Variants in BRD3 observed in about 807,000 individuals in gnomAD.
The protein encoded by BRD3 is bromodomain containing 3, also known as bromodomain-containing protein 3.
Under a neutral mutation model 66.8 loss-of-function variants are expected in BRD3, and 17 were observed. The observed-to-expected ratio is 0.25, with a 90% CI of 0.17 to 0.38. The LOEUF (loss-of-function observed/expected upper bound fraction) is 0.38, where lower values mean the gene tolerates loss of function less well. BRD3 is among the 10% of genes least tolerant of loss of function. BRD3 has a pLI of 1.00. For synonymous variants in BRD3, 421 were observed against 393.2 expected, an observed-to-expected ratio of 1.07 and a Z score of -0.84; for missense variants, 713 against 956.1, an observed-to-expected ratio of 0.75 and a Z score of 3.35.
rs567751039 is a variant in BRD3 at position 134,050,332 on chromosome 9, C to T, written c.714+42G>A. The T allele has an allele frequency of 1.4e-5, 22 of 1,575,680 alleles. 1 individual carries two copies. In the Admixed American group the frequency reaches 2.5e-4, roughly 18 times the overall value. ...CCTGCCCTGACCTCAGGAACCCTGG[C>T]CGGGCTCAGGTGCCCCACCCATCCG... On this transcript the variant is annotated intron_variant, in intron 5 of 11. Coordinates refer to ENST00000303407, the MANE Select transcript of BRD3 (RefSeq NM_007371.4).
At chr9:134,042,173 G>A (rs1353679241) in intron 7 of BRD3, among the ~76,000 whole-genome samples, 1 of 152,166 alleles carries the variant, frequency 6.6e-6, no homozygotes, top group African/African-American at 2.4e-5. Context: ...CCTGGGAAGA[G>A]GGGACACAGG....
At chr9:134,034,904 C>T in intron 10 of BRD3, 75 bp from the exon 11 acceptor site, 1 of 1,593,140 alleles carries the variant, frequency 6.3e-7, no homozygotes, top group Non-Finnish European at 8.5e-7. Context: ...ATCCAGGTGG[C>T]CAAGGCCCCA....
intron 1 of BRD3, among the ~76,000 whole-genome samples, chr9:134,059,810 G>C (rs773824302): frequency 3.9e-5 from 6 of 152,204 alleles, no homozygotes; most frequent in Admixed American, 6.5e-5. Flanking sequence ...TTTGCTGTGC[G>C]GGCAAGGCCC....
At chr9:134,062,696 G>T (rs979950018) in intron 1 of BRD3, among the ~76,000 whole-genome samples, 1 of 152,156 alleles carries the variant, frequency 6.6e-6, no homozygotes, top group Admixed American at 6.5e-5. Flanking sequence ...GCGTGAGGAG[G>T]CCCGACCCTC....
At chr9:134,043,923 C>T (rs1263331987) in intron 7 of BRD3, among the ~76,000 whole-genome samples, 1 of 152,142 alleles carries the variant, frequency 6.6e-6, no homozygotes, top group African/African-American at 2.4e-5. Context: ...CTCCCACCTC[C>T]GCCTCCCAAA....
chr9:134,030,712 A>G lies in BRD3; in HGVS notation c.*2878T>C, dbSNP rs1399502420. 1.7e-5 allele frequency: 4 copies of G among 231,556 alleles called. No homozygotes were observed. The highest frequency in any genetic ancestry group is 3.4e-5 in the Non-Finnish European group (4 of 117,026). The allele number at this position is 231,556 out of a possible 1,614,324, so 14.3% of individuals were successfully genotyped here. The stretch of plus-strand genomic sequence containing the variant: ...TCAGAGGCGTGAGTGCTGCAAAAGA[A>G]CAACAACAAAAACAAACACACAAAA... On this transcript the variant is annotated 3_prime_UTR_variant, in exon 12 of 12. Transcript: ENST00000303407.
chr9:134,037,093 A>C (rs1429712267), intron 9 of BRD3, among the ~76,000 whole-genome samples: 2 of 152,220 alleles, frequency 1.3e-5, no homozygotes, highest in Non-Finnish European at 2.9e-5. Flanking sequence ...GATTAAAAAA[A>C]CAAGAAGACC....
At chr9:134,049,444 C>A (rs901277782) in intron 5 of BRD3, among the ~76,000 whole-genome samples, 1 of 152,242 alleles carries the variant, frequency 6.6e-6, no homozygotes, top group Middle Eastern at 3.2e-3. Context: ...CTCAGACTGG[C>A]AGGGGCCGGA....
At chr9:134,035,224 G>A (rs1843581383) in intron 10 of BRD3, among the ~76,000 whole-genome samples, 2 of 152,214 alleles carry the variant, frequency 1.3e-5, no homozygotes, top group Admixed American at 1.3e-4. Context: ...CCGAGCAGGA[G>A]GCCCGGTCTC....
At chr9:134,063,970 G>T (rs1232690311) in intron 1 of BRD3, among the ~76,000 whole-genome samples, 1 of 152,168 alleles carries the variant, frequency 6.6e-6, no homozygotes, top group African/African-American at 2.4e-5. Flanking sequence ...CGGCAAGGAG[G>T]GGGGCGGGGG....
intron 5 of BRD3, among the ~76,000 whole-genome samples, chr9:134,049,179 G>A (rs1489332627): frequency 2.0e-5 from 3 of 152,150 alleles, no homozygotes; most frequent in East Asian, 1.9e-4. Flanking sequence ...CCAGGCAGAC[G>A]CGCATGTTTA....
chr9:134,060,850 G>A (rs1051556944), intron 1 of BRD3, among the ~76,000 whole-genome samples: 1 of 152,150 alleles, frequency 6.6e-6, no homozygotes, highest in African/African-American at 2.4e-5. Context: ...GCTGTGGGTG[G>A]CCCCCTGAAC....
In BRD3 at chr9:134,036,262, CCCT is replaced by C. The variant is rs758351422; in HGVS notation, c.1703_1705del (p.Glu568del). The C allele has an allele frequency of 2.5e-6, 4 of 1,613,836 alleles. No individual in the cohort carries two copies. The highest frequency in any genetic ancestry group is 2.2e-5 in the East Asian group (1 of 44,894). ...CTTTTCATCGTAGCTCATGGGCAGG[CCCT>C]CCTCCTCTTCCTCTGAGTCGTAGGA... On this transcript the variant is annotated inframe_deletion, in exon 10 of 12. Transcript: ENST00000303407.
chr9:134,036,352 G>A, intron 9 of BRD3, 28 bp from the exon 10 acceptor site: 2 of 1,577,684 alleles, frequency 1.3e-6, no homozygotes, highest in Non-Finnish European at 8.6e-7. Context: ...GCAACGTGGT[G>A]TTGAGTCTCC....
chr9:134,044,555 C>G (rs1295659079), intron 7 of BRD3, among the ~76,000 whole-genome samples: 1 of 152,048 alleles, frequency 6.6e-6, no homozygotes, highest in Non-Finnish European at 1.5e-5. Flanking sequence ...AACAGTGGTG[C>G]TGTTATTTAT....
At chr9:134,056,254 G>C (rs970576130) in intron 1 of BRD3, among the ~76,000 whole-genome samples, 3 of 152,236 alleles carry the variant, frequency 2.0e-5, no homozygotes, top group Non-Finnish European at 4.4e-5. Context: ...GGTCACTACA[G>C]GCCCTGAGGG....
chr9:134,049,243 T>TCAGCACC (rs932490107), intron 5 of BRD3, among the ~76,000 whole-genome samples: 1 of 152,102 alleles, frequency 6.6e-6, no homozygotes, highest in African/African-American at 2.4e-5. Flanking sequence ...TGCAAGGGCC[T>TCAGCACC]CAGCACCCAG....
rs1830222755 is a variant in BRD3 at position 134,048,452 on chromosome 9, T to C, written c.717A>G (p.Lys239=). The C allele has an allele frequency of 1.9e-5, 30 of 1,598,466 alleles. No individual in the cohort carries two copies. The highest frequency in any genetic ancestry group is 2.5e-5 in the Non-Finnish European group (30 of 1,179,874). ...TGTCTGCTTTCCGCTTCACGCCCTT[T>C]TTCTGCGACAGTGAAATAACCAGTG... is the stretch of plus-strand genomic sequence containing the variant. ...VVPPTPPVVK[K]KGVKRKADTT... Residue 239 remains lysine, a splice_region_variant and synonymous_variant, in exon 6 of 12, where the codon AAA becomes AAG. Coordinates refer to ENST00000303407, the MANE Select transcript of BRD3 (RefSeq NM_007371.4).
At chr9:134,066,042 A>G (rs1031119168) in intron 1 of BRD3, among the ~76,000 whole-genome samples, 3 of 152,188 alleles carry the variant, frequency 2.0e-5, no homozygotes, top group African/African-American at 7.2e-5. Context: ...TTGTCAAAGG[A>G]AAGTAATTAC....
Sources: allele counts gnomAD v4.1 joint callset (sites outside exome capture counted in the v4.1 genomes callset), GRCh38; gene constraint gnomAD v4.1.1; transcripts MANE v1.5; gene names NCBI Gene and HGNC (gene_info 2026-07-23, HGNC 2026-07-21).